The following RPS6KA5 variants were observed in gnomAD, a reference collection of about 807,000 sequenced individuals.
The protein encoded by RPS6KA5 is ribosomal protein S6 kinase A5.
Under a neutral mutation model 85.5 loss-of-function variants are expected in RPS6KA5, and 27 were observed. The ratio of observed to expected loss-of-function variants is 0.32; its 90% CI spans 0.23 to 0.44. RPS6KA5 has a LOEUF of 0.44. Ranked by LOEUF, RPS6KA5 falls within the 20% of genes least tolerant of loss-of-function variation. The pLI is 1.00. For missense variants in RPS6KA5, 811 were observed against 980.9 expected (o/e 0.83, Z 2.31); for synonymous variants, 334 against 348.2 (o/e 0.96, Z 0.46).
intron 8 of RPS6KA5, among the ~76,000 whole-genome samples, chr14:90,904,311 T>A (rs1055902253): frequency 1.3e-5 from 2 of 152,238 alleles, no homozygotes; most frequent in Admixed American, 1.3e-4. Context: ...TAAAATGTTT[T>A]TTATTATGCT....
intron 4 of RPS6KA5, among the ~76,000 whole-genome samples, chr14:90,945,906 C>A (rs965334211): frequency 6.6e-6 from 1 of 152,030 alleles, no homozygotes; most frequent in Non-Finnish European, 1.5e-5. Context: ...GGGAGATTGA[C>A]ACGAGAGGAT....
chr14:90,982,217 T>TA (rs1443303536), intron 2 of RPS6KA5, among the ~76,000 whole-genome samples: 1 of 152,100 alleles, frequency 6.6e-6, no homozygotes, highest in Non-Finnish European at 1.5e-5. Flanking sequence ...CTGACATTAT[T>TA]AGAGTAATCT....
At chr14:91,044,255 G>T (rs984180763) in intron 1 of RPS6KA5, among the ~76,000 whole-genome samples, 1 of 61,202 alleles carries the variant, frequency 1.6e-5, no homozygotes, top group African/African-American at 6.5e-5. Context: ...GAGGGGGAGA[G>T]AGAGAGGGAG....
At chr14:90,945,553 T>A (rs2037829356) in intron 4 of RPS6KA5, among the ~76,000 whole-genome samples, 1 of 152,200 alleles carries the variant, frequency 6.6e-6, no homozygotes, top group Non-Finnish European at 1.5e-5. Flanking sequence ...ATTGCTGGCT[T>A]TGCGTTATAT....
chr14:90,947,330 A>T (rs2037923852), intron 4 of RPS6KA5, 105 bp downstream of exon 4: 1 of 630,330 alleles, frequency 1.6e-6, no homozygotes, highest in South Asian at 2.4e-5. Context: ...TGCTTTCATA[A>T]TCTCCACTAA....
intron 3 of RPS6KA5, among the ~76,000 whole-genome samples, chr14:90,951,212 G>A (rs1021230083): frequency 1.3e-5 from 2 of 151,780 alleles, no homozygotes; most frequent in East Asian, 1.9e-4. Context: ...GGCTGGGCGC[G>A]GTGGCTCACA....
intron 5 of RPS6KA5, among the ~76,000 whole-genome samples, chr14:90,936,827 T>C (rs983028934): frequency 1.3e-5 from 2 of 152,000 alleles, no homozygotes; most frequent in African/African-American, 4.8e-5. Context: ...CCAGACCAAA[T>C]GAGGCCAGAA....
intron 3 of RPS6KA5, among the ~76,000 whole-genome samples, chr14:90,956,969 T>G (rs1463034092): frequency 2.3e-4 from 32 of 137,854 alleles, no homozygotes; most frequent in African/African-American, 4.9e-4. Flanking sequence ...TTTCTGTTTT[T>G]TTTTTTTTTT....
At chr14:91,034,814 AAGAACCCACC>A (rs1482734176) in intron 1 of RPS6KA5, among the ~76,000 whole-genome samples, 1 of 152,220 alleles carries the variant, frequency 6.6e-6, no homozygotes, top group Non-Finnish European at 1.5e-5. Context: ...CAGCGAGACC[AAGAACCCACC>A]AGCAGGAATA....
At chr14:90,984,874 G>A (rs1167043982) in intron 2 of RPS6KA5, among the ~76,000 whole-genome samples, 1 of 152,088 alleles carries the variant, frequency 6.6e-6, no homozygotes, top group Non-Finnish European at 1.5e-5. Flanking sequence ...GTCTTCTTGA[G>A]CATAAACTTA....
At chr14:90,991,701 CA>C (rs57545603) in intron 2 of RPS6KA5, among the ~76,000 whole-genome samples, 14,128 of 85,376 alleles carry the variant, frequency 0.17, 543 homozygotes, top group East Asian at 0.33. Flanking sequence ...GACTCCATCT[CA>C]AAAAAAAAAA....
chr14:90,993,371 C>T (rs2040386359), intron 2 of RPS6KA5, among the ~76,000 whole-genome samples: 2 of 152,078 alleles, frequency 1.3e-5, no homozygotes, highest in Non-Finnish European at 2.9e-5. Context: ...ACCCAGGAGG[C>T]GGAGGTTACA....
intron 1 of RPS6KA5, among the ~76,000 whole-genome samples, chr14:91,056,827 C>A (rs1243859435): frequency 7.6e-6 from 1 of 132,268 alleles, no homozygotes; most frequent in Non-Finnish European, 1.5e-5. Flanking sequence ...TAACTTTATA[C>A]TTGAATATCC....
At position 90,878,689 on chromosome 14, in the gene RPS6KA5, A is replaced by G. The variant is rs75995341; in HGVS notation, c.1837-3329T>C. On this transcript the variant is annotated intron_variant, in intron 14 of 16. Coordinates refer to ENST00000614987, the MANE Select transcript of RPS6KA5 (RefSeq NM_004755.4). Reference sequence around the variant, plus strand: ...AACTGGGGCTCCAGTGGTCAGGGACATAATGAAACATCCTCCTCTAAAAGA... The same window carrying G: ...AACTGGGGCTCCAGTGGTCAGGGACGTAATGAAACATCCTCCTCTAAAAGA... 5.2e-3 allele frequency among the ~76,000 whole-genome samples: 793 copies of G among 152,374 alleles called. 10 individuals carry two copies. Among genetic ancestry groups the G allele is most frequent in the African/African-American group, 0.018 (746 of 41,588 alleles).
intron 16 of RPS6KA5, among the ~76,000 whole-genome samples, chr14:90,873,397 T>C (rs1346545078): frequency 6.6e-6 from 1 of 152,206 alleles, no homozygotes; most frequent in Non-Finnish European, 1.5e-5. Context: ...CATAAGGTCA[T>C]TCTAAAAATT....
chr14:90,926,664 A>AGTGT (rs59637202), intron 5 of RPS6KA5, among the ~76,000 whole-genome samples: 11,335 of 143,196 alleles, frequency 0.079, 830 homozygotes, highest in African/African-American at 0.2. Flanking sequence ...TATATATTTA[A>AGTGT]GTGTGTGTGT....
intron 3 of RPS6KA5, among the ~76,000 whole-genome samples, chr14:90,975,318 C>A (rs2039514355): frequency 6.6e-6 from 1 of 152,166 alleles, no homozygotes; most frequent in South Asian, 2.1e-4. Context: ...AACCAATAAA[C>A]CTTTTGGGAC....
Position 90,947,430 on chromosome 14 carries a change from C to T in RPS6KA5, c.510+5G>A. ...AAAAGAAACCTGAAAAATGAAGAGTCTTACCTTGTGGAGATGTTCGAGGGC... is the reference window on the plus strand; with the variant it reads ...AAAAGAAACCTGAAAAATGAAGAGTTTTACCTTGTGGAGATGTTCGAGGGC... On this transcript the variant is annotated splice_donor_5th_base_variant and intron_variant, in intron 4 of 16. Transcript: ENST00000614987. 1 of 1,544,052 alleles carries T rather than the reference C, an allele frequency of 6.5e-7. No individual in the cohort carries two copies. Among genetic ancestry groups the T allele is most frequent in the Non-Finnish European group, 9.0e-7 (1 of 1,116,776 alleles).
At chr14:90,961,789 T>G (rs1820351620) in intron 3 of RPS6KA5, among the ~76,000 whole-genome samples, 1 of 152,186 alleles carries the variant, frequency 6.6e-6, no homozygotes, top group Admixed American at 6.5e-5. Context: ...CTTGCAGTAG[T>G]GAACCCTGGG....
Sources: gnomAD v4.1 joint callset for allele counts (sites outside exome capture counted in the v4.1 genomes callset) on GRCh38, gnomAD v4.1.1 for gene constraint, MANE v1.5 for transcripts, NCBI Gene and HGNC (gene_info 2026-07-23, HGNC 2026-07-21) for gene names.